DCDC1: variants seen among roughly 807,000 people sequenced by gnomAD.
DCDC1 encodes doublecortin domain containing 1.
Under a neutral mutation model 178.3 loss-of-function variants are expected in DCDC1, and 200 were observed. The ratio of observed to expected loss-of-function variants is 1.12; its 90% CI spans 1.00 to 1.26. DCDC1 has a LOEUF of 1.26. Among genes scored for constraint, DCDC1 ranks in the 50% most tolerant of loss-of-function variants. The probability of loss-of-function intolerance (pLI) is 0.00; values close to 1 mark genes in which losing one functional copy is unlikely to be tolerated. For missense variants in DCDC1, 1,983 were observed against 1,749.2 expected, an observed-to-expected ratio of 1.13 and a Z score of -2.38; for synonymous variants, 690 against 604.8, an observed-to-expected ratio of 1.14 and a Z score of -2.07.
At chr11:31,355,213 G>GT (rs1951277412) in intron 1 of DCDC1, among the ~76,000 whole-genome samples, 1 of 152,140 alleles carries the variant, frequency 6.6e-6, no homozygotes, top group Admixed American at 6.5e-5. Flanking sequence ...GAGAAATAAT[G>GT]TAAAAATCAA....
At chr11:31,267,415 C>G (rs1945243595) in intron 7 of DCDC1, among the ~76,000 whole-genome samples, 1 of 152,332 alleles carries the variant, frequency 6.6e-6, no homozygotes, top group Admixed American at 6.5e-5. Context: ...TGCTCTCGAA[C>G]TCCCAACCTC....
chr11:30,906,765 T>A (rs771989356), intron 29 of DCDC1, 40 bp from the exon 30 acceptor site: 1 of 1,559,342 alleles, frequency 6.4e-7, no homozygotes, highest in Non-Finnish European at 8.7e-7. Context: ...TAGGAGCATC[T>A]AAATTGTTAT....
intron 9 of DCDC1, among the ~76,000 whole-genome samples, chr11:31,196,435 T>C (rs1970703470): frequency 6.6e-6 from 1 of 151,950 alleles, no homozygotes; most frequent in Admixed American, 6.6e-5. Context: ...CAATCACAAG[T>C]AGTGGTTCCC....
chr11:31,331,820 G>C (rs1950005987), intron 2 of DCDC1, among the ~76,000 whole-genome samples: 1 of 145,908 alleles, frequency 6.9e-6, no homozygotes. Flanking sequence ...GTTCATCAGG[G>C]ATACTGGTCT....
At chr11:31,230,358 AAGAAAAAAAT>A (rs1975615686) in intron 9 of DCDC1, among the ~76,000 whole-genome samples, 1 of 152,054 alleles carries the variant, frequency 6.6e-6, no homozygotes, top group Admixed American at 6.6e-5. Context: ...AAGGGCCAAA[AAGAAAAAAAT>A]AGAAAAAAAA....
At chr11:31,143,061 T>G (rs1964026138) in intron 9 of DCDC1, among the ~76,000 whole-genome samples, 2 of 151,962 alleles carry the variant, frequency 1.3e-5, no homozygotes, top group South Asian at 4.1e-4. Context: ...AACAGTAAAG[T>G]GCAATATGGT....
At chr11:30,912,704 CT>C (rs1368388244) in intron 27 of DCDC1, among the ~76,000 whole-genome samples, 1 of 152,088 alleles carries the variant, frequency 6.6e-6, no homozygotes, top group Non-Finnish European at 1.5e-5. Flanking sequence ...GGAACCATAC[CT>C]TTTTTAATGA....
chr11:31,097,132 T>C (rs1377206362), intron 15 of DCDC1, among the ~76,000 whole-genome samples: 1 of 152,230 alleles, frequency 6.6e-6, no homozygotes, highest in East Asian at 1.9e-4. Context: ...GTTTTCTGAA[T>C]AAACTGTGCT....
intron 36 of DCDC1, among the ~76,000 whole-genome samples, chr11:30,889,290 G>C (rs1943571827): frequency 6.6e-6 from 1 of 152,204 alleles, no homozygotes; most frequent in African/African-American, 2.4e-5. Context: ...AGTAAGTCTA[G>C]CAATGTTCAA....
intron 33 of DCDC1, 29 bp from the exon 34 acceptor site, chr11:30,899,671 A>T (rs928146925): frequency 6.9e-7 from 1 of 1,439,396 alleles, no homozygotes; most frequent in Non-Finnish European, 9.3e-7. Context: ...AAGATATTTT[A>T]TCAACAGTAA....
At chr11:31,063,973 T>C (rs751810489) in intron 20 of DCDC1, among the ~76,000 whole-genome samples, 2 of 152,114 alleles carry the variant, frequency 1.3e-5, no homozygotes, top group Non-Finnish European at 2.9e-5. Flanking sequence ...AAGGATAATT[T>C]TTCAGTTGGT....
chr11:30,971,821 C>T (rs1333113915), intron 20 of DCDC1, among the ~76,000 whole-genome samples: 3 of 151,850 alleles, frequency 2.0e-5, no homozygotes, highest in Non-Finnish European at 1.5e-5. Flanking sequence ...GTATTAGCCA[C>T]GATGGTCTCG....
At chr11:31,369,276 T>TA (rs1952143569) in intron 1 of DCDC1, among the ~76,000 whole-genome samples, 1 of 152,182 alleles carries the variant, frequency 6.6e-6, no homozygotes, top group Non-Finnish European at 1.5e-5. Context: ...TGTTGTAAGT[T>TA]GGTTGCTAAG....
chr11:30,880,804 A>G (rs550090379), intron 37 of DCDC1, among the ~76,000 whole-genome samples: 1 of 152,320 alleles, frequency 6.6e-6, no homozygotes, highest in East Asian at 1.9e-4. Context: ...ATTACTATTA[A>G]TAAAACATTA....
intron 20 of DCDC1, among the ~76,000 whole-genome samples, chr11:31,012,981 A>C (rs1952263511): frequency 6.6e-6 from 1 of 152,224 alleles, no homozygotes; most frequent in African/African-American, 2.4e-5. Flanking sequence ...CAAATATAGC[A>C]GTGATTTTTA....
chr11:31,273,261 T>C (rs1945718044), intron 7 of DCDC1, among the ~76,000 whole-genome samples: 1 of 152,316 alleles, frequency 6.6e-6, no homozygotes, highest in Non-Finnish European at 1.5e-5. Flanking sequence ...TTCTATTGAA[T>C]TGTTAGGCTG....
intron 3 of DCDC1, among the ~76,000 whole-genome samples, chr11:31,321,351 C>G (rs1949336547): frequency 7.7e-6 from 1 of 130,244 alleles, no homozygotes; most frequent in African/African-American, 2.9e-5. Flanking sequence ...GGGATATAGT[C>G]TCGTGGTGCG....
chr11:31,089,020 C>G (rs1295816488), intron 17 of DCDC1, among the ~76,000 whole-genome samples: 1 of 152,078 alleles, frequency 6.6e-6, no homozygotes, highest in Non-Finnish European at 1.5e-5. Flanking sequence ...GTTATATTAC[C>G]TATATAGTCA....
At chr11:30,925,797 TA>T (rs914979362) in intron 22 of DCDC1, among the ~76,000 whole-genome samples, 1 of 152,180 alleles carries the variant, frequency 6.6e-6, no homozygotes, top group Non-Finnish European at 1.5e-5. Context: ...TTCTCCTACC[TA>T]AAAAAATTTT....
Sources: gnomAD v4.1 joint callset for allele counts (sites outside exome capture counted in the v4.1 genomes callset) on GRCh38, gnomAD v4.1.1 for gene constraint, MANE v1.5 for transcripts, NCBI Gene and HGNC (gene_info 2026-07-23, HGNC 2026-07-21) for gene names.